MYRIP: variants seen among roughly 807,000 people sequenced by gnomAD.
The protein encoded by MYRIP is rab effector MyRIP.
MYRIP carries 49 observed loss-of-function variants against 98.0 expected under a neutral mutation model. The observed-to-expected ratio is 0.50, with a 90% CI of 0.40 to 0.63. The LOEUF is 0.63. Ranked by LOEUF, MYRIP falls within the 30% of genes least tolerant of loss-of-function variation. The probability of loss-of-function intolerance (pLI) is 0.00; values close to 1 mark genes in which losing one functional copy is unlikely to be tolerated. For synonymous variants in MYRIP, 404 were observed against 409.5 expected, an observed-to-expected ratio of 0.99 and a Z score of 0.16; for missense variants, 1,004 against 1,058.2, an observed-to-expected ratio of 0.95 and a Z score of 0.71.
Position 40,166,849 on chromosome 3 carries a change from A to G in MYRIP, c.554A>G (p.His185Arg). Residue 185 changes from histidine to arginine, a missense_variant, in exon 6 of 17, where the codon CAT becomes CGT. His to Arg is a conservative substitution (Grantham distance 29). This residue lies in a region of MYRIP where 880 missense variants were observed against 907.7 expected (regional missense o/e 0.97). Transcript: ENST00000302541. The part of the protein sequence containing the change: ...DSTFYRQSEG[H>R]SVMDTLAVAL... ...CTTTGTTCTGTTTCCTGTCTAGGAC[A>G]TAGTGTGATGGACACCTTGGCTGTG... The G allele has an allele frequency of 6.2e-7, 1 of 1,605,046 alleles. No homozygotes were observed. Among genetic ancestry groups the G allele is most frequent in the Non-Finnish European group, 8.5e-7 (1 of 1,171,766 alleles).
chr3:39,958,533 A>T (rs529242635), intron 2 of MYRIP, among the ~76,000 whole-genome samples: 1 of 152,328 alleles, frequency 6.6e-6, no homozygotes, highest in Admixed American at 6.5e-5. Context: ...TTAACTCAAG[A>T]TGGATTAAAG....
rs151052811 is a variant in MYRIP, at chr3:39,859,024, G to T, written c.-30-41763G>T. Among the ~76,000 whole-genome samples the T allele has an allele frequency of 9.0e-4, 135 of 149,878 alleles. No individual in the cohort carries two copies. The East Asian group carries it at 0.023, about 25-fold the overall frequency. On this transcript the variant is annotated intron_variant, in intron 1 of 16. Coordinates refer to ENST00000302541, the MANE Select transcript of MYRIP (RefSeq NM_015460.4). ...TATGTTCAACATCAACAGAAAGAAA[G>T]GAAGCAATAAATATTAAAGCAGAAA...
chr3:40,083,544 G>A (rs1027595621), intron 3 of MYRIP, among the ~76,000 whole-genome samples: 2 of 152,110 alleles, frequency 1.3e-5, no homozygotes, highest in African/African-American at 4.8e-5. Flanking sequence ...AAGAGTCTCT[G>A]CCTTTTGGAC....
At chr3:40,211,715 C>T (rs540217908) in intron 11 of MYRIP, among the ~76,000 whole-genome samples, 13 of 152,304 alleles carry the variant, frequency 8.5e-5, no homozygotes, top group Middle Eastern at 3.4e-3. Context: ...GGCTTTGCTG[C>T]CTATGGTCCC....
chr3:40,114,190 A>T (rs1949222031), intron 3 of MYRIP, among the ~76,000 whole-genome samples: 1 of 152,226 alleles, frequency 6.6e-6, no homozygotes, highest in African/African-American at 2.4e-5. Context: ...ATAACATTGT[A>T]ATATATTTCT....
chr3:40,148,198 T>G (rs184373107), intron 3 of MYRIP, among the ~76,000 whole-genome samples: 4 of 152,364 alleles, frequency 2.6e-5, no homozygotes, highest in Admixed American at 6.5e-5. Flanking sequence ...GTGAAGCCAC[T>G]AAGTTCTCCT....
At chr3:40,237,708 A>G (rs1287963896) in intron 12 of MYRIP, among the ~76,000 whole-genome samples, 1 of 152,208 alleles carries the variant, frequency 6.6e-6, no homozygotes, top group East Asian at 1.9e-4. Flanking sequence ...TGTCTCTAAC[A>G]CAGCTGAGTC....
At chr3:39,907,903 T>C (rs1011096617) in intron 2 of MYRIP, among the ~76,000 whole-genome samples, 1 of 152,178 alleles carries the variant, frequency 6.6e-6, no homozygotes, top group African/African-American at 2.4e-5. Flanking sequence ...TAAACTGGAA[T>C]CACAGTTTAT....
chr3:40,065,082 C>T (rs1040658048), intron 3 of MYRIP, among the ~76,000 whole-genome samples: 1 of 152,182 alleles, frequency 6.6e-6, no homozygotes, highest in Non-Finnish European at 1.5e-5. Flanking sequence ...AAGGTGCAGG[C>T]AGGGCCATGC....
At chr3:39,852,341 G>A (rs113458887) in intron 1 of MYRIP, among the ~76,000 whole-genome samples, 2,194 of 152,290 alleles carry the variant, frequency 0.014, 20 homozygotes, top group Non-Finnish European at 0.023. Context: ...AGTACAACCA[G>A]ACCCTGCTCA....
At chr3:40,051,208 T>G (rs1041850489) in intron 3 of MYRIP, among the ~76,000 whole-genome samples, 2 of 152,122 alleles carry the variant, frequency 1.3e-5, no homozygotes, top group Non-Finnish European at 2.9e-5. Flanking sequence ...AGGAAGATCA[T>G]TCAACATGGC....
chr3:39,928,812 G>C (rs879384005), intron 2 of MYRIP, among the ~76,000 whole-genome samples: 16 of 151,864 alleles, frequency 1.1e-4, no homozygotes, highest in Middle Eastern at 3.2e-3. Flanking sequence ...TAATCAGCTT[G>C]GTACTAGAAG....
chr3:40,215,527 A>C (rs779556377), intron 11 of MYRIP, among the ~76,000 whole-genome samples: 3 of 152,182 alleles, frequency 2.0e-5, no homozygotes, highest in Non-Finnish European at 4.4e-5. Flanking sequence ...TGAATGGTGA[A>C]GGAAGCAGAT....
At chr3:39,910,128 A>G (rs1438100805) in intron 2 of MYRIP, among the ~76,000 whole-genome samples, 3 of 152,054 alleles carry the variant, frequency 2.0e-5, no homozygotes, top group Non-Finnish European at 4.4e-5. Flanking sequence ...TGATCTTGTG[A>G]TCCACCCACC....
chr3:39,947,383 A>G (rs1226805624), intron 2 of MYRIP, among the ~76,000 whole-genome samples: 1 of 152,172 alleles, frequency 6.6e-6, no homozygotes, highest in Admixed American at 6.5e-5. Flanking sequence ...TCCTGAAAAA[A>G]ATGAATAAAA....
chr3:39,898,464 C>T (rs1373040708), intron 1 of MYRIP, among the ~76,000 whole-genome samples: 1 of 152,024 alleles, frequency 6.6e-6, no homozygotes, highest in African/African-American at 2.4e-5. Context: ...TAAATAGCAA[C>T]CATGCTTGGG....
chr3:40,034,666 G>T (rs536213722), intron 2 of MYRIP, among the ~76,000 whole-genome samples: 1 of 149,684 alleles, frequency 6.7e-6, no homozygotes, highest in Non-Finnish European at 1.5e-5. Flanking sequence ...TGGGTGTGGT[G>T]ATTCCTCAGG....
chr3:39,919,670 C>T (rs1216991022), intron 2 of MYRIP, among the ~76,000 whole-genome samples: 1 of 151,252 alleles, frequency 6.6e-6, no homozygotes, highest in Non-Finnish European at 1.5e-5. Context: ...CCCACATTCT[C>T]TGCCATGTGT....
chr3:39,968,863 A>G (rs1487386023), intron 2 of MYRIP, among the ~76,000 whole-genome samples: 4 of 152,168 alleles, frequency 2.6e-5, no homozygotes, highest in African/African-American at 9.7e-5. Flanking sequence ...TCTACAAAGA[A>G]TGTCATTGGT....
Sources: allele counts gnomAD v4.1 joint callset (sites outside exome capture counted in the v4.1 genomes callset), GRCh38; gene constraint gnomAD v4.1.1; regional missense constraint gnomAD v4.1.1; transcripts MANE v1.5; gene names NCBI Gene and HGNC (gene_info 2026-07-23, HGNC 2026-07-21).